Variants in SHISA6 observed in about 807,000 individuals in gnomAD.
The protein encoded by SHISA6 is shisa family member 6.
SHISA6 carries 22 observed loss-of-function variants against 47.9 expected under a neutral mutation model. The ratio of observed to expected loss-of-function variants is 0.46; its 90% confidence interval spans 0.33 to 0.66. The LOEUF is 0.66. Ranked by LOEUF, SHISA6 falls within the 30% of genes least tolerant of loss-of-function variation. The pLI is 0.02. For synonymous variants in SHISA6, 388 were observed against 337.8 expected (o/e 1.15, Z -1.63); for missense variants, 680 against 764.6 (o/e 0.89, Z 1.30).
chr17:11,241,999 G>A lies in SHISA6; in HGVS notation c.577G>A (p.Val193Ile). Residue 193 changes from valine to isoleucine, a missense_variant, in exon 1 of 6, where the codon GTC (valine) becomes ATC (isoleucine). Physicochemically the swap from Val to Ile is conservative, Grantham distance 29. Transcript: ENST00000441885. This position sits in a 1 kb window ranked among gnomAD's most constrained non-coding sequence, Gnocchi z 5.5. Reference sequence around the variant, plus strand: ...GATCGCCTTCGTCATCGTGGCCGGCGTCTTCGCCAAGGTCTCCTACGACAA... The same window carrying A: ...GATCGCCTTCGTCATCGTGGCCGGCATCTTCGCCAAGGTCTCCTACGACAA... ...GVIAFVIVAGVFAKVSYDKAH... is the reference protein window; with the variant it reads ...GVIAFVIVAGIFAKVSYDKAH... 1 of 1,551,072 alleles carries A rather than the reference G, an allele frequency of 6.4e-7. No individual in the cohort carries two copies. The highest frequency in any genetic ancestry group is 8.7e-7 in the Non-Finnish European group (1 of 1,147,004).
intron 3 of SHISA6, among the ~76,000 whole-genome samples, chr17:11,437,566 T>C (rs1270381772): frequency 6.6e-6 from 1 of 152,184 alleles, no homozygotes; most frequent in African/African-American, 2.4e-5. Context: ...CTCTGTTCCA[T>C]GAGCATGCTT....
At chr17:11,252,296 G>A (rs1353679386) in intron 1 of SHISA6, among the ~76,000 whole-genome samples, 3 of 152,090 alleles carry the variant, frequency 2.0e-5, no homozygotes, top group African/African-American at 4.8e-5. Context: ...TTGGCATTTG[G>A]TCTCGTGTAC....
In SHISA6 at chr17:11,563,211, G is replaced by A. The variant is rs720706; in HGVS notation, c.*4907G>A. ...AAGCTGCAGAGGAACGTGTTCACAG[G>A]CTGTTGTGTGGCAATGAATGTCATG... On this transcript the variant is annotated 3_prime_UTR_variant, in exon 6 of 6. Transcript: ENST00000441885. 6,353 of 152,312 alleles carry A rather than the reference G, an allele frequency of 0.042. 436 individuals carry two copies. Among genetic ancestry groups the A allele is most frequent in the African/African-American group, 0.14 (6,017 of 41,520 alleles). 9.4% of individuals were successfully genotyped at this position (152,312 alleles called of 1,614,324 possible). A position where few individuals can be genotyped will look rare whatever the true frequency, so the allele number is the denominator to read the frequency against.
intron 2 of SHISA6, among the ~76,000 whole-genome samples, chr17:11,311,361 T>A (rs1322242716): frequency 6.6e-6 from 1 of 152,050 alleles, no homozygotes; most frequent in Non-Finnish European, 1.5e-5. Context: ...GTATTTTCTT[T>A]GGAATCTTTG....
At chr17:11,430,598 G>A (rs1023124456) in intron 3 of SHISA6, among the ~76,000 whole-genome samples, 1 of 152,162 alleles carries the variant, frequency 6.6e-6, no homozygotes, top group African/African-American at 2.4e-5. Flanking sequence ...GAGTAAGGGA[G>A]TGTAGAGGCT....
chr17:11,334,789 G>T (rs1567576245), intron 2 of SHISA6, among the ~76,000 whole-genome samples: 2 of 152,246 alleles, frequency 1.3e-5, no homozygotes, highest in Non-Finnish European at 2.9e-5. Context: ...TGGCACAGCT[G>T]CCTGTAGGAT....
intron 2 of SHISA6, among the ~76,000 whole-genome samples, chr17:11,364,600 A>G (rs1433694978): frequency 1.2e-4 from 18 of 152,332 alleles, no homozygotes; most frequent in Non-Finnish European, 5.9e-5. Context: ...TTCAATCACC[A>G]TTTGATGGAC....
At chr17:11,337,279 C>T (rs530794983) in intron 2 of SHISA6, among the ~76,000 whole-genome samples, 70 of 152,246 alleles carry the variant, frequency 4.6e-4, no homozygotes, top group Middle Eastern at 6.8e-3. Context: ...AGCTGATTAT[C>T]GCTGTGGGCA....
In SHISA6 at chr17:11,558,584, C is replaced by T. The variant is rs1197496159; in HGVS notation, c.*280C>T. 2.1e-6 allele frequency: 1 copy of T among 478,792 alleles called. No individual in the cohort carries two copies. The highest frequency in any genetic ancestry group is 1.9e-5 in the African/African-American group (1 of 51,794). 29.7% of individuals were successfully genotyped at this position (478,792 alleles called of 1,614,324 possible). Reference sequence around the variant, plus strand: ...GGCTAGGCCCCATTCTCACCCCCGACCACCTTCACCAACTCCCTTTCCGTC... The same window carrying T: ...GGCTAGGCCCCATTCTCACCCCCGATCACCTTCACCAACTCCCTTTCCGTC... On this transcript the variant is annotated 3_prime_UTR_variant, in exon 6 of 6. Coordinates refer to ENST00000441885, the MANE Select transcript of SHISA6 (RefSeq NM_207386.4).
rs80323583 is a variant in SHISA6 at position 11,303,715 on chromosome 17, C to G, written c.799+40189C>G. Among the ~76,000 whole-genome samples the G allele has an allele frequency of 5.3e-3, 803 of 152,314 alleles. 8 individuals are homozygous for G. Among genetic ancestry groups the G allele is most frequent in the African/African-American group, 0.018 (749 of 41,574 alleles). On this transcript the variant is annotated intron_variant, in intron 2 of 5. Coordinates refer to ENST00000441885, the MANE Select transcript of SHISA6 (RefSeq NM_207386.4). ...CTCTCAAGCCCCCAGTCCCAGTTGG[C>G]CATGCGTGTCACTCAAAGACCCTTC... is the stretch of plus-strand genomic sequence containing the variant.
intron 3 of SHISA6, among the ~76,000 whole-genome samples, chr17:11,503,139 A>G (rs2071469298): frequency 6.6e-6 from 1 of 152,158 alleles, no homozygotes; most frequent in South Asian, 2.1e-4. Flanking sequence ...TCCTCATATA[A>G]CAGATGAAGA....
chr17:11,446,286 C>T (rs1053400205), intron 3 of SHISA6, among the ~76,000 whole-genome samples: 6 of 152,102 alleles, frequency 3.9e-5, no homozygotes, highest in Admixed American at 2.6e-4. Context: ...TGGTGGTAGT[C>T]CCATGACTCT....
chr17:11,287,208 A>G (rs897217707), intron 2 of SHISA6, among the ~76,000 whole-genome samples: 9 of 149,736 alleles, frequency 6.0e-5, no homozygotes, highest in African/African-American at 2.2e-4. Context: ...TGTAGTGTGT[A>G]ATGAAAAGAA....
chr17:11,498,769 C>T (rs2071427686), intron 3 of SHISA6, among the ~76,000 whole-genome samples: 1 of 152,150 alleles, frequency 6.6e-6, no homozygotes, highest in African/African-American at 2.4e-5. Flanking sequence ...GCTGGACTAG[C>T]AGCTCAAACG....
intron 3 of SHISA6, among the ~76,000 whole-genome samples, chr17:11,534,084 C>G (rs1243525429): frequency 6.6e-6 from 1 of 151,044 alleles, no homozygotes; most frequent in Non-Finnish European, 1.5e-5. Context: ...TCAAGCGATT[C>G]TCCTCCTGCT....
chr17:11,456,186 C>CGGAG (rs1915529031), intron 3 of SHISA6, among the ~76,000 whole-genome samples: 1 of 152,060 alleles, frequency 6.6e-6, no homozygotes, highest in African/African-American at 2.4e-5. Context: ...GACGGAGGAC[C>CGGAG]GGAGGGAGGG....
chr17:11,531,899 T>C (rs1157219061), intron 3 of SHISA6, among the ~76,000 whole-genome samples: 2 of 152,332 alleles, frequency 1.3e-5, no homozygotes, highest in East Asian at 3.9e-4. Context: ...ATTAGCTTGA[T>C]TTAATCATTC....
intron 1 of SHISA6, among the ~76,000 whole-genome samples, chr17:11,253,199 C>G (rs1488793784): frequency 6.6e-6 from 1 of 152,198 alleles, no homozygotes; most frequent in East Asian, 1.9e-4. Context: ...TGTGTTCCTT[C>G]TCCCCTCTCT....
chr17:11,388,375 G>A (rs550266330), intron 3 of SHISA6, among the ~76,000 whole-genome samples: 23 of 152,248 alleles, frequency 1.5e-4, no homozygotes, highest in African/African-American at 5.1e-4. Context: ...GGTGAAGGGA[G>A]GATGGGTAGG....
Sources: allele counts gnomAD v4.1 joint callset (sites outside exome capture counted in the v4.1 genomes callset), GRCh38; gene constraint gnomAD v4.1.1; non-coding constraint Gnocchi (gnomAD v3.1); transcripts MANE v1.5; gene names NCBI Gene and HGNC (gene_info 2026-07-23, HGNC 2026-07-21).